The following PHF2 variants were observed in gnomAD, a reference collection of about 807,000 sequenced individuals.
The protein encoded by PHF2 is lysine-specific demethylase PHF2.
A neutral mutation model predicts 120.5 loss-of-function variants in PHF2; 27 were observed. The ratio of observed to expected loss-of-function variants is 0.22; its 90% CI spans 0.17 to 0.31. The LOEUF is 0.31. PHF2 is among the 10% of genes least tolerant of loss of function. PHF2 has a pLI of 1.00. For synonymous variants in PHF2, 568 were observed against 592.5 expected (o/e 0.96, Z 0.60); for missense variants, 1,024 against 1,434.8 (o/e 0.71, Z 4.63).
intron 1 of PHF2, among the ~76,000 whole-genome samples, chr9:93,587,303 A>AGGAGCCCTGGGTGAGGGATGACG (rs1564371858): frequency 3.2e-5 from 4 of 125,938 alleles, no homozygotes; most frequent in African/African-American, 9.1e-5. Context: ...GAGGGATGAC[A>AGGAGCCCTGGGTGAGGGATGACG]GAGGAGCCCT....
Position 93,673,749 on chromosome 9 carries a change from G to T in PHF2, c.2513G>T (p.Gly838Val). ...GCCCGGAAGAATGGGGGTGGCAGTG[G>T]CAAGAGTGCAGGCAAACGACTGCTG... ...HGARKNGGGS[G>V]KSAGKRLLKR... The change falls in exon 18 of 22, where the codon GGC becomes GTC. Residue 838 changes from glycine (G) to valine (V), a missense_variant. Physicochemically the swap from Gly to Val is moderately radical, Grantham distance 109. Transcript: ENST00000359246. 1 of 1,613,456 alleles carries T rather than the reference G, an allele frequency of 6.2e-7. No homozygotes were observed. Among genetic ancestry groups the T allele is most frequent in the Non-Finnish European group, 8.5e-7 (1 of 1,179,796 alleles).
chr9:93,649,000 C>T, intron 4 of PHF2, 71 bp from the exon 5 acceptor site: 1 of 1,522,624 alleles, frequency 6.6e-7, no homozygotes, highest in Non-Finnish European at 8.9e-7. Context: ...GTGTCCACTC[C>T]ACACGTCCTG....
rs199773517 is a variant in PHF2 at position 93,675,042 on chromosome 9, A to G, written c.2722+20A>G. The G allele has an allele frequency of 2.1e-5, 33 of 1,592,556 alleles. No homozygotes were observed. The highest frequency in any genetic ancestry group is 6.9e-6 in the Non-Finnish European group (8 of 1,161,248). The stretch of plus-strand genomic sequence containing the variant: ...CAACAGGTAGTGCTGGGACAGGGGT[A>G]GGGGGTCCACCTGACACCCAGTGTG... On this transcript the variant is annotated intron_variant, in intron 19 of 21. Coordinates refer to ENST00000359246, the MANE Select transcript of PHF2 (RefSeq NM_005392.4).
intron 1 of PHF2, among the ~76,000 whole-genome samples, chr9:93,582,079 C>T (rs551981997): frequency 6.6e-6 from 1 of 152,130 alleles, no homozygotes; most frequent in African/African-American, 2.4e-5. Flanking sequence ...GTTCCCACGT[C>T]GACTGCGAGG....
chr9:93,583,131 G>A (rs1445542672), intron 1 of PHF2, among the ~76,000 whole-genome samples: 1 of 152,098 alleles, frequency 6.6e-6, no homozygotes, highest in Non-Finnish European at 1.5e-5. Flanking sequence ...GTCTATTCTG[G>A]ATATTTACTA....
intron 1 of PHF2, among the ~76,000 whole-genome samples, chr9:93,587,695 TC>T (rs1369341609): frequency 6.6e-6 from 1 of 152,030 alleles, no homozygotes; most frequent in Admixed American, 6.5e-5. Flanking sequence ...CTGCCCGAGC[TC>T]CCCCAGTGCC....
In PHF2 at chr9:93,576,708, C is replaced by G. The variant is rs1862822119; in HGVS notation, c.-66C>G. 1 of 683,448 alleles carries G rather than the reference C, an allele frequency of 1.5e-6. No individual in the cohort carries two copies. The highest frequency in any genetic ancestry group is 1.8e-6 in the Non-Finnish European group (1 of 558,214). The allele number at this position is 683,448 out of a possible 1,614,324, so 42.3% of individuals were successfully genotyped here. A position where few individuals can be genotyped will look rare whatever the true frequency, so the allele number is the denominator to read the frequency against. On this transcript the variant is annotated 5_prime_UTR_variant, in exon 1 of 22. Coordinates refer to ENST00000359246, the MANE Select transcript of PHF2 (RefSeq NM_005392.4). ...CCGCCGCCCCCGCGCGGCCCGGCCC[C>G]CGGCCCGGCCCGGACCGACCCGGGC...
At chr9:93,619,414 T>C (rs1285486098) in intron 1 of PHF2, among the ~76,000 whole-genome samples, 1 of 152,196 alleles carries the variant, frequency 6.6e-6, no homozygotes, top group Non-Finnish European at 1.5e-5. Context: ...TTTGCTCCGC[T>C]GACCTTGCCT....
chr9:93,674,841 G>T (rs1222051713), intron 18 of PHF2, 86 bp from the exon 19 acceptor site: 3 of 906,488 alleles, frequency 3.3e-6, no homozygotes, highest in East Asian at 2.4e-5. Context: ...GGCGAGGAAG[G>T]TCTGCAGCCA....
At chr9:93,666,398 G>A (rs548491722) in intron 16 of PHF2, among the ~76,000 whole-genome samples, 11 of 152,336 alleles carry the variant, frequency 7.2e-5, no homozygotes, top group African/African-American at 2.2e-4. Context: ...CAACCATGGC[G>A]GTGTCTCTTT....
chr9:93,586,315 C>G (rs1383572942), intron 1 of PHF2, among the ~76,000 whole-genome samples: 2 of 152,240 alleles, frequency 1.3e-5, no homozygotes, highest in African/African-American at 2.4e-5. Context: ...GTGGGAGGCA[C>G]TGTGGCGACC....
At position 93,673,480 on chromosome 9, in the gene PHF2, C is replaced by CCAGGAGTTTGTG. The variant is rs1046439552; in HGVS notation, c.2349-88_2349-77dup. 33 of 1,056,216 alleles carry CCAGGAGTTTGTG rather than the reference C, an allele frequency of 3.1e-5. No individual in the cohort carries two copies. In the African/African-American group the frequency reaches 5.1e-4, roughly 16 times the overall value. The allele number at this position is 1,056,216 out of a possible 1,614,324, so 65.4% of individuals were successfully genotyped here. On this transcript the variant is annotated intron_variant, in intron 17 of 21. Transcript: ENST00000359246. ...CCACGCCCTCTGCCTGCCACCTGGG[C>CCAGGAGTTTGTG]CAGGAGTTTGTGCAGGAGTTTGTGC...
chr9:93,618,879 TTGCATATGTTTGTGTGTG>T (rs1564383376), intron 1 of PHF2, among the ~76,000 whole-genome samples: 84 of 146,618 alleles, frequency 5.7e-4, no homozygotes, highest in Middle Eastern at 3.6e-3. Context: ...GTCTCTGTGT[TTGCATATGTTTGTGTGTG>T]TGTGTATGTG....
chr9:93,665,543 T>C, intron 14 of PHF2, 143 bp from the exon 15 acceptor site: 1 of 849,812 alleles, frequency 1.2e-6, no homozygotes, highest in African/African-American at 1.7e-5. Context: ...CTTCTTCGGA[T>C]GGAAATTCAA....
chr9:93,597,665 A>T (rs76904320), intron 1 of PHF2, among the ~76,000 whole-genome samples: 3,630 of 152,212 alleles, frequency 0.024, 71 homozygotes, highest in South Asian at 0.059. Context: ...AGCCTGGTGT[A>T]GTCCTGAGGT....
At position 93,677,597 on chromosome 9, in the gene PHF2, C is replaced by A. The variant is rs755286591; in HGVS notation, c.3212C>A (p.Thr1071Lys). Residue 1071 changes from threonine to lysine, a missense_variant, in exon 22 of 22, where the codon ACG (threonine) becomes AAG (lysine). Thr to Lys is a moderately conservative substitution (Grantham distance 78, BLOSUM62 -1). This residue lies in a region of PHF2 where 677 missense variants were observed against 857.4 expected (regional missense o/e 0.79). Coordinates refer to ENST00000359246, the MANE Select transcript of PHF2 (RefSeq NM_005392.4). The surrounding 1 kb of genome is among the most constrained non-coding windows in gnomAD (Gnocchi z 4.4). ...NNNTAAKGKR[T>K]KKGMATAKQR... ...TCCCCGACTCCCCTAGGAAAACGTACGAAAAAGGGCATGGCGACCGCCAAG... is the reference window on the plus strand; with the variant it reads ...TCCCCGACTCCCCTAGGAAAACGTAAGAAAAAGGGCATGGCGACCGCCAAG... 1 of 1,613,422 alleles carries A rather than the reference C, an allele frequency of 6.2e-7. No homozygotes were observed.
At chr9:93,583,852 G>C (rs1862980749) in intron 1 of PHF2, among the ~76,000 whole-genome samples, 1 of 135,090 alleles carries the variant, frequency 7.4e-6, no homozygotes, top group South Asian at 2.2e-4. Context: ...TTTTGAGACG[G>C]AGTTTTGCCC....
At chr9:93,577,078 G>C (rs1461275505) in intron 1 of PHF2, among the ~76,000 whole-genome samples, 2 of 146,988 alleles carry the variant, frequency 1.4e-5, no homozygotes, top group Non-Finnish European at 1.5e-5. Context: ...CAAGCACGGG[G>C]CCCGCGCTGG....
rs1235091738 is a variant in PHF2, at chr9:93,679,308, C to T, written c.*1632C>T. On this transcript the variant is annotated 3_prime_UTR_variant, in exon 22 of 22. Transcript: ENST00000359246. Reference sequence around the variant, plus strand: ...TGGGAGAGGGGGAGTCTCACGGGGCCCCAGGCTTATTCAGAACTGGTGTTT... The same window carrying T: ...TGGGAGAGGGGGAGTCTCACGGGGCTCCAGGCTTATTCAGAACTGGTGTTT... 4.4e-6 allele frequency: 2 copies of T among 454,838 alleles called. No individual in the cohort carries two copies. Among genetic ancestry groups the T allele is most frequent in the South Asian group, 3.1e-5 (2 of 64,232 alleles). The allele number at this position is 454,838 out of a possible 1,614,324, so 28.2% of individuals were successfully genotyped here. A position where few individuals can be genotyped will look rare whatever the true frequency, so the allele number is the denominator to read the frequency against.
Sources: gnomAD v4.1 joint callset for allele counts (sites outside exome capture counted in the v4.1 genomes callset) on GRCh38, gnomAD v4.1.1 for gene constraint, gnomAD v4.1.1 regional missense constraint, Gnocchi (gnomAD v3.1) non-coding constraint, MANE v1.5 for transcripts, NCBI Gene and HGNC (gene_info 2026-07-23, HGNC 2026-07-21) for gene names.